TNFRSF4: variants seen among roughly 807,000 people sequenced by gnomAD.
TNFRSF4 encodes TNF receptor superfamily member 4.
A neutral mutation model predicts 29.5 loss-of-function variants in TNFRSF4; 21 were observed. The ratio of observed to expected loss-of-function variants is 0.71; its 90% confidence interval spans 0.51 to 1.03. The LOEUF (loss-of-function observed/expected upper bound fraction) is 1.03, where lower values mean the gene tolerates loss of function less well. TNFRSF4 is among the 50% of genes least tolerant of loss of function. TNFRSF4 has a pLI of 0.00. For synonymous variants in TNFRSF4, 197 were observed against 172.7 expected, an observed-to-expected ratio of 1.14 and a Z score of -1.10; for missense variants, 408 against 387.8, an observed-to-expected ratio of 1.05 and a Z score of -0.44.
chr1:1,212,928 C>T (rs1201690996), intron 3 of TNFRSF4, 64 bp downstream of exon 3: 1 of 1,497,814 alleles, frequency 6.7e-7, no homozygotes, highest in Non-Finnish European at 9.0e-7. Context: ...GGCCCACGGC[C>T]CATCTGCGTC....
At chr1:1,213,604 G>A in intron 2 of TNFRSF4, 59 bp downstream of exon 2, 5 of 1,517,110 alleles carry the variant, frequency 3.3e-6, no homozygotes, top group Non-Finnish European at 4.4e-6. Context: ...GTGGGAATGT[G>A]GGTGCCAGGC....
rs1467008668 is a variant in TNFRSF4 at position 1,213,693 on chromosome 1, G to T, written c.238C>A (p.Pro80Thr). The T allele has an allele frequency of 4.4e-6, 7 of 1,596,384 alleles. No individual in the cohort carries two copies. Among genetic ancestry groups the T allele is most frequent in the Non-Finnish European group, 6.0e-6 (7 of 1,172,576 alleles). Reference sequence around the variant, plus strand: ...TTACACCACGTGCAGGGCTTGCACGGCTTGGAGCTGACCACGTCGTTGTAG... The same window carrying T: ...TTACACCACGTGCAGGGCTTGCACGTCTTGGAGCTGACCACGTCGTTGTAG... ...GFYNDVVSSK[P>T]CKPCTWCNLR... The change falls in exon 2 of 7, where the codon CCG becomes ACG. Residue 80 changes from proline to threonine, a missense_variant. Pro to Thr is a conservative substitution (Grantham distance 38, BLOSUM62 -1). Transcript: ENST00000379236.
chr1:1,212,200 G>A (rs1204115380), intron 4 of TNFRSF4, 62 bp from the exon 5 acceptor site: 32 of 1,563,476 alleles, frequency 2.0e-5, no homozygotes, highest in African/African-American at 2.7e-5. Context: ...GAGATGCGGT[G>A]GGGATAACAG....
At chr1:1,212,612 T>G (rs1442089914) in intron 4 of TNFRSF4, 26 bp downstream of exon 4, 11 of 510,678 alleles carry the variant, frequency 2.2e-5, no homozygotes, top group Non-Finnish European at 2.8e-5. Context: ...CCCCAGCCCC[T>G]CCCAGCCCCT....
At position 1,212,703 on chromosome 1, in the gene TNFRSF4, G is replaced by A. The variant is rs1649224253; in HGVS notation, c.372C>T (p.Asp124=). Residue 124 remains aspartate (D), a splice_region_variant and synonymous_variant, in exon 4 of 7, where the codon GAC becomes GAT. Transcript: ENST00000379236. The part of the protein sequence containing the change: ...QPLDSYKPGV[D]CAPCPPGHFS... The stretch of plus-strand genomic sequence containing the variant: ...AGTGCCCTGGAGGGCAGGGGGCACA[G>A]TCTGCAACAAAGATAGGGTGGTCAG... 1 of 1,555,044 alleles carries A rather than the reference G, an allele frequency of 6.4e-7. No individual in the cohort carries two copies. The highest frequency in any genetic ancestry group is 8.7e-7 in the Non-Finnish European group (1 of 1,153,212).
At chr1:1,212,725 T>C (rs376366886) in intron 3 of TNFRSF4, 21 bp from the exon 4 acceptor site, 41 of 1,525,002 alleles carry the variant, frequency 2.7e-5, no homozygotes, top group Non-Finnish European at 3.5e-5. Context: ...GATAGGGTGG[T>C]CAGGGGCTGC....
In TNFRSF4 at chr1:1,214,017, G is replaced by A. The variant is rs200983968; in HGVS notation, c.111C>T (p.Pro37=). The A allele has an allele frequency of 1.9e-5, 31 of 1,605,136 alleles. No homozygotes were observed. In the Admixed American group the frequency reaches 4.5e-4, roughly 23 times the overall value. The change falls in exon 1 of 7, where the codon CCC becomes CCT. Residue 37 remains proline (P), a synonymous_variant. Transcript: ENST00000379236. This position sits in a 1 kb window ranked among gnomAD's most constrained non-coding sequence, Gnocchi z 4.2. ...TGLHCVGDTY[P]SNDRCCHECR... The stretch of plus-strand genomic sequence containing the variant: ...ACTCGTGGCAGCACCGGTCGTTGCT[G>A]GGGTAGGTGTCCCCGACACAGTGGA...
chr1:1,212,247 AG>A (rs1649175442), intron 4 of TNFRSF4, 109 bp from the exon 5 acceptor site: 1 of 1,272,494 alleles, frequency 7.9e-7, no homozygotes, highest in Non-Finnish European at 1.1e-6. Flanking sequence ...CATCTACCAC[AG>A]ACACCAGGCC....
chr1:1,213,732 A>G lies in TNFRSF4; in HGVS notation c.199T>C (p.Cys67Arg). Residue 67 changes from cysteine to arginine, a missense_variant, in exon 2 of 7, where the codon TGC (cysteine) becomes CGC (arginine). Transcript: ENST00000379236. Reference protein sequence around the residue: ...SRSQNTVCRPCGPGFYNDVVS... With the variant: ...SRSQNTVCRPRGPGFYNDVVS... ...ACGTCGTTGTAGAAGCCCGGCCCGC[A>G]CGGACGGCACACCGTGTTCTGGGAG... 6.2e-7 allele frequency: 1 copy of G among 1,602,462 alleles called. No individual in the cohort carries two copies. Among genetic ancestry groups the G allele is most frequent in the Non-Finnish European group, 8.5e-7 (1 of 1,175,742 alleles).
chr1:1,212,257 C>A (rs1312601946), intron 4 of TNFRSF4, 119 bp from the exon 5 acceptor site: 4 of 1,172,664 alleles, frequency 3.4e-6, no homozygotes, highest in Non-Finnish European at 4.9e-6. Flanking sequence ...AGACACCAGG[C>A]CAGTGACAGC....
In TNFRSF4 at chr1:1,213,644, G is replaced by A. The variant is rs1387445766; in HGVS notation, c.268+19C>T. The A allele has an allele frequency of 2.5e-6, 4 of 1,572,368 alleles. No individual in the cohort carries two copies. The highest frequency in any genetic ancestry group is 3.5e-6 in the Non-Finnish European group (4 of 1,158,424). On this transcript the variant is annotated intron_variant, in intron 2 of 6. Transcript: ENST00000379236. ...GCCCCCTGTGCTGGGTGGGGCTGTGGGGCCAGGTGGGAGCTCACTGAGGTT... is the reference window on the plus strand; with the variant it reads ...GCCCCCTGTGCTGGGTGGGGCTGTGAGGCCAGGTGGGAGCTCACTGAGGTT...
At chr1:1,212,925 G>A (rs370839049) in intron 3 of TNFRSF4, 67 bp downstream of exon 3, 32 of 1,486,812 alleles carry the variant, frequency 2.2e-5, no homozygotes, top group Admixed American at 1.3e-4. Context: ...TGCGGCCCAC[G>A]GCCCATCTGC....
In TNFRSF4 at chr1:1,213,110, T is replaced by TGG; in HGVS notation, c.269-19_269-18dup. 6.2e-7 allele frequency: 1 copy of TGG among 1,600,760 alleles called. No homozygotes were observed. The highest frequency in any genetic ancestry group is 8.5e-7 in the Non-Finnish European group (1 of 1,175,818). ...TCCCACTTCCTGAGCAGGGGCCGGA[T>TGG]GGGGGGGTGGTCAGGTGGGGGCTGT... On this transcript the variant is annotated splice_polypyrimidine_tract_variant and intron_variant, in intron 2 of 6. Transcript: ENST00000379236.
intron 1 of TNFRSF4, 22 bp from the exon 2 acceptor site, chr1:1,213,807 G>A (rs750742116): frequency 6.3e-7 from 1 of 1,582,556 alleles, no homozygotes; most frequent in East Asian, 2.3e-5. Flanking sequence ...GCCGGCGTCA[G>A]GCAGCGGTCA....
rs1649225554 is a variant in TNFRSF4 at position 1,212,724 on chromosome 1, G to A, written c.371-20C>T. 1.3e-6 allele frequency: 2 copies of A among 1,546,714 alleles called. No homozygotes were observed. The highest frequency in any genetic ancestry group is 1.2e-5 in the South Asian group (1 of 81,828). On this transcript the variant is annotated intron_variant, in intron 3 of 6. Transcript: ENST00000379236. ...CACAGTCTGCAACAAAGATAGGGTG[G>A]TCAGGGGCTGCCCACAGGCCCCGGG...
intron 2 of TNFRSF4, 148 bp downstream of exon 2, chr1:1,213,515 C>T (rs34002153): frequency 1.4e-5 from 20 of 1,464,838 alleles, no homozygotes; most frequent in South Asian, 4.2e-5. Context: ...CTCAGCTCCT[C>T]GAAGGACCCC....
intron 4 of TNFRSF4, among the ~76,000 whole-genome samples, chr1:1,212,412 C>A (rs1411799947): frequency 6.6e-6 from 1 of 152,034 alleles, no homozygotes; most frequent in African/African-American, 2.4e-5. Flanking sequence ...TCCCACACAC[C>A]CAGCTCCACC....
At position 1,211,471 on chromosome 1, in the gene TNFRSF4, G is replaced by A. The variant is rs1649092446; in HGVS notation, c.*84C>T. ...TTGGCCCAGGAGCGTGGCGGGGCAG[G>A]CGGCCTGCACCTGCCCTGCTCGCCC... On this transcript the variant is annotated 3_prime_UTR_variant, in exon 7 of 7. Transcript: ENST00000379236. The A allele has an allele frequency of 1.5e-6, 2 of 1,338,318 alleles. No homozygotes were observed. Among genetic ancestry groups the A allele is most frequent in the Non-Finnish European group, 2.0e-6 (2 of 1,023,472 alleles). 82.9% of individuals were successfully genotyped at this position (1,338,318 alleles called of 1,614,324 possible).
At chr1:1,212,604 C>A in intron 4 of TNFRSF4, 34 bp downstream of exon 4, 1 of 1,408,394 alleles carries the variant, frequency 7.1e-7, no homozygotes, top group Non-Finnish European at 9.5e-7. Context: ...CAACCCCCCC[C>A]CAGCCCCTCC....
Sources: allele counts gnomAD v4.1 joint callset (sites outside exome capture counted in the v4.1 genomes callset), GRCh38; gene constraint gnomAD v4.1.1; non-coding constraint Gnocchi (gnomAD v3.1); transcripts MANE v1.5; gene names NCBI Gene and HGNC (gene_info 2026-07-23, HGNC 2026-07-21).